RYR3: variants seen among roughly 807,000 people sequenced by gnomAD.
The protein encoded by RYR3 is ryanodine receptor 3, also known as brain ryanodine receptor-calcium release channel.
RYR3 carries 207 observed loss-of-function variants against 584.3 expected under a neutral mutation model. That is an observed-to-expected ratio of 0.35 (90% confidence interval 0.32 to 0.40). The LOEUF (loss-of-function observed/expected upper bound fraction) is 0.40, where lower values mean the gene tolerates loss of function less well. Among genes scored for constraint, RYR3 ranks in the 10% least tolerant of loss-of-function variants. RYR3 has a pLI of 1.00. For missense variants in RYR3, 5,616 were observed against 6,089.2 expected, an observed-to-expected ratio of 0.92 and a Z score of 2.59; for synonymous variants, 2,416 against 2,248.5, an observed-to-expected ratio of 1.07 and a Z score of -2.11.
chr15:33,728,010 G>A (rs904235885), intron 46 of RYR3, among the ~76,000 whole-genome samples: 1 of 152,152 alleles, frequency 6.6e-6, no homozygotes, highest in Non-Finnish European at 1.5e-5. Context: ...TAAATCAGAC[G>A]ATTATTTCCA....
chr15:33,561,827 G>C (rs1240564217), intron 10 of RYR3, among the ~76,000 whole-genome samples: 1 of 151,840 alleles, frequency 6.6e-6, no homozygotes, highest in Non-Finnish European at 1.5e-5. Context: ...TTGAGCCTGG[G>C]GGCAGAGGTT....
At chr15:33,455,922 T>C (rs1220949549) in intron 1 of RYR3, among the ~76,000 whole-genome samples, 1 of 152,196 alleles carries the variant, frequency 6.6e-6, no homozygotes, top group African/African-American at 2.4e-5. Context: ...GACTCTAAAA[T>C]TGGATAAATT....
In RYR3 at chr15:33,696,241, C is replaced by G. The variant is rs1351315254; in HGVS notation, c.5884C>G (p.Gln1962Glu). The stretch of plus-strand genomic sequence containing the variant: ...AGCAACATTGAAGGAACTCATCTCA[C>G]AGACGATGATCTGCTGGGCCCAGGA... Reference protein sequence around the residue: ...CPTTLKELISQTMICWAQEDQ... With the variant: ...CPTTLKELISETMICWAQEDQ... The change falls in exon 39 of 104, where the codon CAG becomes GAG. Residue 1962 changes from glutamine to glutamate, a missense_variant. Gln to Glu is a conservative substitution (Grantham distance 29, BLOSUM62 2). Transcript: ENST00000634891. 1 of 1,613,712 alleles carries G rather than the reference C, an allele frequency of 6.2e-7. No homozygotes were observed. Among genetic ancestry groups the G allele is most frequent in the South Asian group, 1.1e-5 (1 of 91,070 alleles).
chr15:33,788,586 T>A, intron 67 of RYR3, 128 bp downstream of exon 67: 1 of 1,021,720 alleles, frequency 9.8e-7, no homozygotes, highest in East Asian at 2.6e-5. Context: ...CCCCCACCAT[T>A]CTCCTTCCCA....
At chr15:33,859,290 C>T (rs938317121) in intron 99 of RYR3, among the ~76,000 whole-genome samples, 3 of 152,262 alleles carry the variant, frequency 2.0e-5, no homozygotes, top group Admixed American at 1.3e-4. Flanking sequence ...AGGCCATACT[C>T]ATCAAGGCTT....
intron 72 of RYR3, among the ~76,000 whole-genome samples, chr15:33,811,241 C>T (rs1468504105): frequency 6.6e-6 from 1 of 152,054 alleles, no homozygotes; most frequent in African/African-American, 2.4e-5. Flanking sequence ...CGCGGTGGCT[C>T]ACACCTGTAA....
rs1167131224 is a variant in RYR3, at chr15:33,539,333, A to G, written c.434-17A>G. On this transcript the variant is annotated splice_polypyrimidine_tract_variant and intron_variant, in intron 5 of 103. Transcript: ENST00000634891. ...GCTTCTGTGAAGCAATGACTAACTC[A>G]AGGAGCCTTCATGTAGGAGAAGCCT... 8.6e-6 allele frequency: 13 copies of G among 1,518,036 alleles called. No homozygotes were observed. Among genetic ancestry groups the G allele is most frequent in the Non-Finnish European group, 1.1e-5 (12 of 1,108,304 alleles). 94.0% of individuals were successfully genotyped at this position (1,518,036 alleles called of 1,614,324 possible). A position where few individuals can be genotyped will look rare whatever the true frequency, so the allele number is the denominator to read the frequency against.
intron 17 of RYR3, among the ~76,000 whole-genome samples, chr15:33,602,192 C>G (rs2059696531): frequency 6.6e-6 from 1 of 152,144 alleles, no homozygotes; most frequent in Non-Finnish European, 1.5e-5. Context: ...GCAGAGTGGC[C>G]CAAAGACCTG....
Position 33,511,236 on chromosome 15 carries a change from G to A in RYR3, c.279+7498G>A, listed in dbSNP as rs901100771. Among the ~76,000 whole-genome samples the A allele has an allele frequency of 2.0e-5, 3 of 147,080 alleles. No individual in the cohort carries two copies. In the East Asian group the frequency reaches 6.1e-4, roughly 30 times the overall value. On this transcript the variant is annotated intron_variant, in intron 3 of 103. Transcript: ENST00000634891. ...ATCAGCACTGTACTAGAGAAAAACA[G>A]GAAAAACAAACTTTTACATTTAACG...
Position 33,831,019 on chromosome 15 carries a change from T to C in RYR3, c.11391T>C (p.Ser3797=), listed in dbSNP as rs752493360. 1.1e-5 allele frequency: 17 copies of C among 1,613,658 alleles called. No homozygotes were observed. The East Asian group carries it at 2.9e-4, about 27-fold the overall frequency. Residue 3797 remains serine, a synonymous_variant, in exon 86 of 104, where the codon TCT becomes TCC. Coordinates refer to ENST00000634891, the MANE Select transcript of RYR3 (RefSeq NM_001036.6). Reference sequence around the variant, plus strand: ...CAGGGAAGGACATCATTGATGAATCTGGACAGCACAATTTTTCCAAAGCTC... The same window carrying C: ...CAGGGAAGGACATCATTGATGAATCCGGACAGCACAATTTTTCCAAAGCTC... ...YYSGKDIIDE[S]GQHNFSKALA...
intron 1 of RYR3, among the ~76,000 whole-genome samples, chr15:33,455,868 A>G (rs1384115000): frequency 6.6e-6 from 1 of 152,214 alleles, no homozygotes; most frequent in Admixed American, 6.5e-5. Flanking sequence ...GCTTAAGTGT[A>G]TATGCAGCCA....
At chr15:33,575,297 C>CT (rs1382293562) in intron 12 of RYR3, among the ~76,000 whole-genome samples, 4 of 152,172 alleles carry the variant, frequency 2.6e-5, no homozygotes, top group Admixed American at 6.5e-5. Flanking sequence ...CTACATAACT[C>CT]TCCACGCAAA....
intron 1 of RYR3, among the ~76,000 whole-genome samples, chr15:33,430,064 A>T (rs1309010768): frequency 1.3e-5 from 2 of 152,246 alleles, no homozygotes; most frequent in East Asian, 3.8e-4. Context: ...TTTCCAGCCA[A>T]CATCAGCAAA....
intron 69 of RYR3, among the ~76,000 whole-genome samples, chr15:33,802,726 C>CAA (rs2075985329): frequency 6.6e-6 from 1 of 152,126 alleles, no homozygotes; most frequent in Non-Finnish European, 1.5e-5. Flanking sequence ...GTTTTGTTAC[C>CAA]AGCTGTTATG....
At chr15:33,519,097 A>C (rs1451517721) in intron 3 of RYR3, among the ~76,000 whole-genome samples, 1 of 152,164 alleles carries the variant, frequency 6.6e-6, no homozygotes, top group Admixed American at 6.5e-5. Flanking sequence ...CAGGCCCTGC[A>C]GCATCCACAC....
intron 1 of RYR3, among the ~76,000 whole-genome samples, chr15:33,334,818 A>G (rs1293006318): frequency 6.6e-6 from 1 of 152,176 alleles, no homozygotes; most frequent in Non-Finnish European, 1.5e-5. Flanking sequence ...TAAGGAACTT[A>G]AACAAATTGA....
intron 12 of RYR3, among the ~76,000 whole-genome samples, chr15:33,571,061 A>C (rs1043517680): frequency 7.5e-6 from 1 of 133,746 alleles, no homozygotes; most frequent in Non-Finnish European, 1.5e-5. Context: ...CCCTTTATTT[A>C]TTTTTCTTGC....
At position 33,437,114 on chromosome 15, in the gene RYR3, TAG is replaced by T. The variant is rs955037990; in HGVS notation, c.52-36302_52-36301del. Among the ~76,000 whole-genome samples, 19 of 117,984 alleles carry T rather than the reference TAG, an allele frequency of 1.6e-4. No homozygotes were observed. The East Asian group carries it at 4.3e-3, about 27-fold the overall frequency. The allele number at this position is 117,984 out of a possible 152,430, so 77.4% of individuals were successfully genotyped here. ...TTTGAGTGTGTGTGAGAGAGAGAGA[TAG>T]AGTGTGTGTGTGTGTGTGTGTGTGT... is the stretch of plus-strand genomic sequence containing the variant. On this transcript the variant is annotated intron_variant, in intron 1 of 103. Transcript: ENST00000634891.
chr15:33,653,028 A>G (rs544065571), intron 32 of RYR3, 145 bp downstream of exon 32: 58 of 707,944 alleles, frequency 8.2e-5, no homozygotes, highest in Non-Finnish European at 8.5e-5. Flanking sequence ...AGGACAACAA[A>G]TAAACAACAA....
Sources: allele counts gnomAD v4.1 joint callset (sites outside exome capture counted in the v4.1 genomes callset), GRCh38; gene constraint gnomAD v4.1.1; transcripts MANE v1.5; gene names NCBI Gene and HGNC (gene_info 2026-07-23, HGNC 2026-07-21).